ARMH3: variants seen among roughly 807,000 people sequenced by gnomAD.
The protein encoded by ARMH3 is armadillo-like helical domain-containing protein 3.
Under a neutral mutation model 99.1 loss-of-function variants are expected in ARMH3, and 60 were observed. The ratio of observed to expected loss-of-function variants is 0.61; its 90% confidence interval spans 0.49 to 0.75. The LOEUF is 0.75. Ranked by LOEUF, ARMH3 falls within the 30% of genes least tolerant of loss-of-function variation. ARMH3 has a pLI of 0.00. For synonymous variants in ARMH3, 285 were observed against 292.8 expected, an observed-to-expected ratio of 0.97 and a Z score of 0.27; for missense variants, 679 against 843.1, an observed-to-expected ratio of 0.81 and a Z score of 2.41.
At chr10:101,851,878 T>A (rs748058386) in intron 24 of ARMH3, among the ~76,000 whole-genome samples, 4 of 152,186 alleles carry the variant, frequency 2.6e-5, no homozygotes, top group Non-Finnish European at 4.4e-5. Flanking sequence ...ACTTGTCAGT[T>A]CTGTAGGCAG....
chr10:102,007,694 G>A (rs1393590620), intron 13 of ARMH3, among the ~76,000 whole-genome samples: 1 of 148,554 alleles, frequency 6.7e-6, no homozygotes, highest in Non-Finnish European at 1.5e-5. Flanking sequence ...TTAGCCAGGT[G>A]TGGTGGCAGG....
intron 24 of ARMH3, among the ~76,000 whole-genome samples, chr10:101,873,127 G>A (rs565934777): frequency 6.0e-5 from 9 of 150,456 alleles, no homozygotes; most frequent in African/African-American, 2.2e-4. Context: ...TGGCAGGCCG[G>A]GCACAGTGGC....
intron 24 of ARMH3, among the ~76,000 whole-genome samples, chr10:101,855,058 ATTCTT>A (rs1363863549): frequency 4.0e-4 from 11 of 27,202 alleles, no homozygotes; most frequent in Non-Finnish European, 1.3e-4. Context: ...AACACTGTCT[ATTCTT>A]TTTTTTTTTT....
intron 22 of ARMH3, among the ~76,000 whole-genome samples, chr10:101,954,065 A>C (rs1022562300): frequency 5.9e-5 from 9 of 152,116 alleles, no homozygotes; most frequent in South Asian, 2.1e-4. Flanking sequence ...GGTGGCATGT[A>C]CCTGTAGTCC....
At chr10:102,031,995 C>T (rs188047469) in intron 4 of ARMH3, among the ~76,000 whole-genome samples, 76 of 152,318 alleles carry the variant, frequency 5.0e-4, no homozygotes, top group African/African-American at 1.8e-3. Flanking sequence ...GCCTTGGCCT[C>T]CCAAAGTGCT....
At chr10:102,014,437 C>T (rs2066699107) in intron 8 of ARMH3, among the ~76,000 whole-genome samples, 1 of 152,172 alleles carries the variant, frequency 6.6e-6, no homozygotes, top group African/African-American at 2.4e-5. Context: ...AAGCTTCTTG[C>T]CATAAGGCAC....
intron 1 of ARMH3, among the ~76,000 whole-genome samples, chr10:102,043,131 G>C (rs1261440166): frequency 1.3e-5 from 2 of 152,180 alleles, no homozygotes; most frequent in East Asian, 3.8e-4. Flanking sequence ...TCAGTAATGT[G>C]AGTGTAATCT....
chr10:101,917,606 G>A (rs1843139570), intron 23 of ARMH3, among the ~76,000 whole-genome samples: 1 of 152,110 alleles, frequency 6.6e-6, no homozygotes. Context: ...ATTTAGGAGT[G>A]GACTGCTGGA....
At chr10:101,998,595 C>T (rs973839843) in intron 15 of ARMH3, among the ~76,000 whole-genome samples, 2 of 152,208 alleles carry the variant, frequency 1.3e-5, no homozygotes, top group Non-Finnish European at 2.9e-5. Flanking sequence ...CCCACCCAGG[C>T]TCCTTTCTGC....
intron 24 of ARMH3, among the ~76,000 whole-genome samples, chr10:101,864,548 G>C (rs930270931): frequency 2.0e-5 from 3 of 152,198 alleles, no homozygotes; most frequent in Non-Finnish European, 4.4e-5. Flanking sequence ...ATACACTATG[G>C]AATCCTATGC....
intron 23 of ARMH3, among the ~76,000 whole-genome samples, chr10:101,899,868 A>G (rs2067932182): frequency 6.6e-6 from 1 of 152,188 alleles, no homozygotes; most frequent in Non-Finnish European, 1.5e-5. Flanking sequence ...CTTAGTTAGT[A>G]TAAAAGGCAT....
At chr10:101,870,578 A>T (rs1457051572) in intron 24 of ARMH3, among the ~76,000 whole-genome samples, 3 of 152,182 alleles carry the variant, frequency 2.0e-5, no homozygotes, top group Non-Finnish European at 2.9e-5. Context: ...AATTTTCCCT[A>T]ATAAAATATT....
chr10:102,027,502 A>G (rs572178762), intron 5 of ARMH3, among the ~76,000 whole-genome samples: 1 of 152,180 alleles, frequency 6.6e-6, no homozygotes, highest in African/African-American at 2.4e-5. Context: ...AAGAGAATGA[A>G]TGAGGAAGAA....
intron 13 of ARMH3, among the ~76,000 whole-genome samples, chr10:102,007,164 A>AAAAAAAAAAAG (rs2066514672): frequency 6.7e-6 from 1 of 148,694 alleles, no homozygotes; most frequent in Non-Finnish European, 1.5e-5. Flanking sequence ...TATCTCAAAA[A>AAAAAAAAAAAG]AAAAAAAAAA....
At chr10:101,970,668 T>A (rs1229824635) in intron 20 of ARMH3, among the ~76,000 whole-genome samples, 2 of 148,432 alleles carry the variant, frequency 1.3e-5, no homozygotes, top group South Asian at 2.1e-4. Context: ...AAAAAAAAAA[T>A]ACAAAAATAA....
At chr10:102,034,787 A>G (rs758589541) in intron 2 of ARMH3, among the ~76,000 whole-genome samples, 92 of 152,286 alleles carry the variant, frequency 6.0e-4, no homozygotes, top group Non-Finnish European at 1.2e-3. Context: ...CCATGCCTGT[A>G]ATCCCAGCTA....
At chr10:101,872,174 T>C (rs2067144844) in intron 24 of ARMH3, among the ~76,000 whole-genome samples, 1 of 151,710 alleles carries the variant, frequency 6.6e-6, no homozygotes, top group Admixed American at 6.6e-5. Flanking sequence ...TCACTGAGAA[T>C]ATGCAAAGAA....
chr10:101,969,240 C>A (rs1845667857), intron 20 of ARMH3, among the ~76,000 whole-genome samples: 2 of 152,136 alleles, frequency 1.3e-5, no homozygotes, highest in Non-Finnish European at 2.9e-5. Context: ...GTGAAGGGTA[C>A]ATGAAACTCT....
At position 102,012,885 on chromosome 10, in the gene ARMH3, G is replaced by A. The variant is rs758241805; in HGVS notation, c.727-9C>T. 1 of 1,604,320 alleles carries A rather than the reference G, an allele frequency of 6.2e-7. No homozygotes were observed. Among genetic ancestry groups the A allele is most frequent in the East Asian group, 2.2e-5 (1 of 44,624 alleles). ...ATTACAAGTCCCATTCCCTAGAAGG[G>A]AAAAGATAGCACAGGTGAAATAAGA... On this transcript the variant is annotated splice_polypyrimidine_tract_variant and intron_variant, in intron 9 of 25. Transcript: ENST00000370033.
Sources: gnomAD v4.1 joint callset for allele counts (sites outside exome capture counted in the v4.1 genomes callset) on GRCh38, gnomAD v4.1.1 for gene constraint, MANE v1.5 for transcripts, NCBI Gene and HGNC (gene_info 2026-07-23, HGNC 2026-07-21) for gene names.